CCNY: variants seen among roughly 807,000 people sequenced by gnomAD.
CCNY encodes cyclin Y.
Under a neutral mutation model 42.8 loss-of-function variants are expected in CCNY, and 19 were observed. The observed-to-expected ratio is 0.44, with a 90% confidence interval of 0.31 to 0.65. The LOEUF (loss-of-function observed/expected upper bound fraction) is 0.65. CCNY is among the 30% of genes least tolerant of loss of function. CCNY has a pLI of 0.07. For missense variants in CCNY, 370 were observed against 437.3 expected, an observed-to-expected ratio of 0.85 and a Z score of 1.37; for synonymous variants, 165 against 162.7, an observed-to-expected ratio of 1.01 and a Z score of -0.11.
chr10:35,472,207 GTTA>G, intron 1 of CCNY, among the ~76,000 whole-genome samples: 1 of 152,308 alleles, frequency 6.6e-6, no homozygotes, highest in East Asian at 1.9e-4. Context: ...GAAGCTAGGT[GTTA>G]TTAGCCCACT....
At chr10:35,329,061 C>T (rs1332063463) in intron 3 of CCNY, among the ~76,000 whole-genome samples, 1 of 152,126 alleles carries the variant, frequency 6.6e-6, no homozygotes. Flanking sequence ...CACAGAATGA[C>T]CAAAAGTTCT....
Position 35,501,503 on chromosome 10 carries a change from A to C in CCNY, c.232A>C (p.Arg78=). 6.2e-7 allele frequency: 1 copy of C among 1,613,770 alleles called. No individual in the cohort carries two copies. The highest frequency in any genetic ancestry group is 8.5e-7 in the Non-Finnish European group (1 of 1,179,628). Residue 78 remains arginine, a splice_region_variant and synonymous_variant, in exon 3 of 10, where the codon AGA becomes CGA. Transcript: ENST00000374704. ...IFLSKSQTDV[R]EKRKSLFINH... is the part of the protein sequence containing the mutation. ...TGTTGCATCTTTTGTTTTCACAGTGAGAGAAAAACGCAAGAGTCTCTTCAT... is the reference window on the plus strand; with the variant it reads ...TGTTGCATCTTTTGTTTTCACAGTGCGAGAAAAACGCAAGAGTCTCTTCAT...
chr10:35,311,474 C>T (rs1170324097), intron 3 of CCNY, among the ~76,000 whole-genome samples: 1 of 152,004 alleles, frequency 6.6e-6, no homozygotes, highest in African/African-American at 2.4e-5. Context: ...CCCAGGAGTT[C>T]AATACCAGTG....
intron 1 of CCNY, among the ~76,000 whole-genome samples, chr10:35,404,642 G>A (rs769811574): frequency 2.6e-5 from 4 of 152,092 alleles, no homozygotes; most frequent in Admixed American, 1.3e-4. Context: ...CTTGGCATCC[G>A]TGATGGTCCA....
intron 1 of CCNY, among the ~76,000 whole-genome samples, chr10:35,403,286 T>A (rs985365949): frequency 1.2e-4 from 18 of 152,140 alleles, no homozygotes; most frequent in African/African-American, 4.3e-4. Context: ...GAAGAGGTTA[T>A]GAAATGACGA....
chr10:35,449,905 G>A, intron 1 of CCNY: 1 of 575,930 alleles, frequency 1.7e-6, no homozygotes, highest in Middle Eastern at 8.7e-4. Flanking sequence ...GGGCCTACCT[G>A]AGTAGGGTGT....
intron 7 of CCNY, among the ~76,000 whole-genome samples, chr10:35,542,411 T>A (rs1382383662): frequency 6.6e-6 from 1 of 152,068 alleles, no homozygotes; most frequent in Non-Finnish European, 1.5e-5. Flanking sequence ...TGAGGTTGTG[T>A]TTGTCAGGTT....
intron 1 of CCNY, among the ~76,000 whole-genome samples, chr10:35,398,742 TAAGTA>T (rs1035866977): frequency 1.3e-5 from 2 of 152,236 alleles, no homozygotes; most frequent in African/African-American, 4.8e-5. Context: ...AGTGACCAGT[TAAGTA>T]AATTTGCAGA....
At chr10:35,301,595 T>A (rs1320172583) in intron 3 of CCNY, among the ~76,000 whole-genome samples, 1 of 151,968 alleles carries the variant, frequency 6.6e-6, no homozygotes, top group Non-Finnish European at 1.5e-5. Context: ...TCTTTTCTTA[T>A]TTTTTTTATT....
chr10:35,491,586 T>C (rs1215971595), intron 2 of CCNY, among the ~76,000 whole-genome samples: 1 of 152,194 alleles, frequency 6.6e-6, no homozygotes, highest in Non-Finnish European at 1.5e-5. Flanking sequence ...TTTCCTCTCC[T>C]GCCAGCTTCC....
chr10:35,521,152 A>C (rs1840538046), intron 4 of CCNY, among the ~76,000 whole-genome samples: 1 of 152,264 alleles, frequency 6.6e-6, no homozygotes, highest in African/African-American at 2.4e-5. Flanking sequence ...TTTCTTGTGC[A>C]AGAAAATAGC....
At chr10:35,488,934 G>A (rs1260659019) in intron 2 of CCNY, among the ~76,000 whole-genome samples, 3 of 152,236 alleles carry the variant, frequency 2.0e-5, no homozygotes, top group Middle Eastern at 6.8e-3. Context: ...CTAGTATAAT[G>A]TATTTTGATT....
rs115054822 is a variant in CCNY, at chr10:35,296,568, G to A, written c.-9+45942G>A. Among the ~76,000 whole-genome samples the A allele has an allele frequency of 6.8e-3, 1,029 of 152,128 alleles. 11 individuals are homozygous for A. Among genetic ancestry groups the A allele is most frequent in the African/African-American group, 0.024 (983 of 41,520 alleles). On this transcript the variant is annotated intron_variant, in intron 3 of 11. Coordinates refer to the CCNY transcript ENST00000374706. ...AGCACTCCGGCCTGGGCCTCAGGGT[G>A]AGACTCTGTCAGAAAAAAAAGAAAA...
chr10:35,317,045 C>A (rs1018649856), intron 3 of CCNY, among the ~76,000 whole-genome samples: 3 of 152,286 alleles, frequency 2.0e-5, no homozygotes, highest in Middle Eastern at 3.4e-3. Context: ...GGGGGTTTCA[C>A]CATGTTGGCC....
intron 1 of CCNY, among the ~76,000 whole-genome samples, chr10:35,397,937 T>C (rs533344445): frequency 6.6e-6 from 1 of 152,144 alleles, no homozygotes; most frequent in Non-Finnish European, 1.5e-5. Context: ...TAGGCAGGAC[T>C]TCCCCCTCTG....
chr10:35,290,787 C>A (rs1835404547), intron 3 of CCNY, among the ~76,000 whole-genome samples: 1 of 152,120 alleles, frequency 6.6e-6, no homozygotes, highest in Admixed American at 6.6e-5. Flanking sequence ...CATAGTGAGA[C>A]CCTGTCTATA....
At chr10:35,529,592 G>C (rs1159370339) in intron 5 of CCNY, among the ~76,000 whole-genome samples, 2 of 152,128 alleles carry the variant, frequency 1.3e-5, no homozygotes, top group East Asian at 1.9e-4. Flanking sequence ...GCTGGGTGCA[G>C]TGGCTCACAC....
intron 3 of CCNY, among the ~76,000 whole-genome samples, chr10:35,290,222 T>TTACA: frequency 8.1e-6 from 1 of 122,910 alleles, no homozygotes; most frequent in East Asian, 2.4e-4. Context: ...CAAGACTCCA[T>TTACA]CACACACACA....
intron 1 of CCNY, among the ~76,000 whole-genome samples, chr10:35,454,454 T>A (rs757667129): frequency 3.9e-5 from 6 of 152,188 alleles, no homozygotes; most frequent in Non-Finnish European, 8.8e-5. Flanking sequence ...TCAACCAGGG[T>A]GAAATGCAGC....
Sources: gnomAD v4.1 joint callset for allele counts (sites outside exome capture counted in the v4.1 genomes callset) on GRCh38, gnomAD v4.1.1 for gene constraint, MANE v1.5 for transcripts, NCBI Gene and HGNC (gene_info 2026-07-23, HGNC 2026-07-21) for gene names.